HS6ST3: variants seen among roughly 807,000 people sequenced by gnomAD.
HS6ST3 encodes the protein heparan-sulfate 6-O-sulfotransferase 3.
HS6ST3 carries 12 observed loss-of-function variants against 36.7 expected under a neutral mutation model. The observed-to-expected ratio is 0.33, with a 90% CI of 0.21 to 0.53. The LOEUF (loss-of-function observed/expected upper bound fraction) is 0.53, where lower values mean the gene tolerates loss of function less well. Ranked by LOEUF, HS6ST3 falls within the 20% of genes least tolerant of loss-of-function variation. The probability of loss-of-function intolerance (pLI) is 0.95; values close to 1 mark genes in which losing one functional copy is unlikely to be tolerated. For synonymous variants in HS6ST3, 240 were observed against 257.5 expected (o/e 0.93, Z 0.65); for missense variants, 584 against 640.9 (o/e 0.91, Z 0.96).
chr13:96,466,061 T>G (rs2055812053), intron 1 of HS6ST3, among the ~76,000 whole-genome samples: 1 of 152,086 alleles, frequency 6.6e-6, no homozygotes, highest in South Asian at 2.1e-4. Flanking sequence ...GGCGGGCAGA[T>G]CATGAGGTCA....
chr13:96,581,253 T>C (rs1408668485), intron 1 of HS6ST3, among the ~76,000 whole-genome samples: 1 of 149,518 alleles, frequency 6.7e-6, no homozygotes, highest in Non-Finnish European at 1.5e-5. Context: ...GGAGTCTCAC[T>C]CTGTCTCCCA....
In HS6ST3 at chr13:96,216,533, A is replaced by C. The variant is rs145445092; in HGVS notation, c.707+124964A>C. Among the ~76,000 whole-genome samples, 188 of 152,324 alleles carry C rather than the reference A, an allele frequency of 1.2e-3. 1 individual carries two copies. The highest frequency in any genetic ancestry group is 4.3e-3 in the African/African-American group (179 of 41,564). On this transcript the variant is annotated intron_variant, in intron 1 of 1. Transcript: ENST00000376705. Reference sequence around the variant, plus strand: ...TGACAATACCTTCTGTGTACAAAGAAGTGTAAGTAAGAGATACCCATGACT... The same window carrying C: ...TGACAATACCTTCTGTGTACAAAGACGTGTAAGTAAGAGATACCCATGACT...
At chr13:96,823,663 A>T (rs1254992463) in intron 1 of HS6ST3, among the ~76,000 whole-genome samples, 3 of 151,882 alleles carry the variant, frequency 2.0e-5, no homozygotes. Context: ...TCTGGTGTCC[A>T]GGCTGGAGTG....
chr13:96,458,706 A>AT (rs1407775843), intron 1 of HS6ST3, among the ~76,000 whole-genome samples: 1 of 151,906 alleles, frequency 6.6e-6, no homozygotes, highest in African/African-American at 2.4e-5. Flanking sequence ...TCATATGTCC[A>AT]TTTTTTGCTA....
intron 1 of HS6ST3, among the ~76,000 whole-genome samples, chr13:96,603,208 A>T (rs1238890759): frequency 6.6e-6 from 1 of 152,206 alleles, no homozygotes; most frequent in Non-Finnish European, 1.5e-5. Flanking sequence ...CAGACGCTCA[A>T]CAGCCACTTT....
intron 1 of HS6ST3, among the ~76,000 whole-genome samples, chr13:96,493,199 A>G (rs2055955327): frequency 6.6e-6 from 1 of 152,166 alleles, no homozygotes; most frequent in African/African-American, 2.4e-5. Flanking sequence ...ATTAAACACA[A>G]AAAAAGATCT....
At chr13:96,711,193 TC>T (rs1875552532) in intron 1 of HS6ST3, among the ~76,000 whole-genome samples, 1 of 152,026 alleles carries the variant, frequency 6.6e-6, no homozygotes, top group Admixed American at 6.6e-5. Context: ...CTGGCTTGTC[TC>T]CCCCTTGGTT....
chr13:96,364,403 A>G (rs2055253506), intron 1 of HS6ST3, among the ~76,000 whole-genome samples: 1 of 152,226 alleles, frequency 6.6e-6, no homozygotes, highest in Non-Finnish European at 1.5e-5. Flanking sequence ...TATATCTACA[A>G]TGGAATATTA....
intron 1 of HS6ST3, among the ~76,000 whole-genome samples, chr13:96,304,720 T>TCTTTCTTTCTTTCTTTC (rs1444933944): frequency 7.3e-6 from 1 of 137,560 alleles, no homozygotes; most frequent in Admixed American, 7.3e-5. Flanking sequence ...TCTTTTTTTT[T>TCTTTCTTTCTTTCTTTC]TTTTTTTTTT....
intron 1 of HS6ST3, among the ~76,000 whole-genome samples, chr13:96,734,295 C>T (rs1363600267): frequency 6.6e-6 from 1 of 152,180 alleles, no homozygotes; most frequent in Non-Finnish European, 1.5e-5. Context: ...TCATTTGCTC[C>T]TAGCTTGGTC....
intron 1 of HS6ST3, among the ~76,000 whole-genome samples, chr13:96,745,592 T>C (rs191804454): frequency 3.3e-5 from 5 of 152,168 alleles, no homozygotes; most frequent in East Asian, 1.9e-4. Context: ...CCCATTGAAA[T>C]TGGTTTGGTC....
chr13:96,729,252 A>C (rs1876082605), intron 1 of HS6ST3, among the ~76,000 whole-genome samples: 1 of 152,098 alleles, frequency 6.6e-6, no homozygotes, highest in African/African-American at 2.4e-5. Context: ...CTGCACTCTA[A>C]GCACAGAACC....
chr13:96,164,849 A>ATT (rs147755602), intron 1 of HS6ST3, among the ~76,000 whole-genome samples: 33 of 150,416 alleles, frequency 2.2e-4, no homozygotes, highest in African/African-American at 7.3e-4. Flanking sequence ...AATGATACAG[A>ATT]TTTTTTTTTT....
intron 1 of HS6ST3, among the ~76,000 whole-genome samples, chr13:96,585,925 A>C (rs2056359425): frequency 6.6e-6 from 1 of 152,172 alleles, no homozygotes; most frequent in South Asian, 2.1e-4. Flanking sequence ...TACTGATTTA[A>C]TTCTCTTTGG....
chr13:96,589,802 T>C (rs1486061871), intron 1 of HS6ST3, among the ~76,000 whole-genome samples: 1 of 152,118 alleles, frequency 6.6e-6, no homozygotes, highest in Non-Finnish European at 1.5e-5. Context: ...GTATATTTTT[T>C]TACCCATTAA....
intron 1 of HS6ST3, among the ~76,000 whole-genome samples, chr13:96,445,929 T>C (rs1215927401): frequency 6.6e-6 from 1 of 151,636 alleles, no homozygotes; most frequent in Non-Finnish European, 1.5e-5. Context: ...TCCCAGCACT[T>C]TGGGAGGCCG....
chr13:96,722,085 G>A (rs1489998645), intron 1 of HS6ST3, among the ~76,000 whole-genome samples: 1 of 152,104 alleles, frequency 6.6e-6, no homozygotes, highest in Non-Finnish European at 1.5e-5. Flanking sequence ...GGCCAACATG[G>A]TGAAACCTCG....
intron 1 of HS6ST3, among the ~76,000 whole-genome samples, chr13:96,189,238 T>C (rs1390682392): frequency 6.6e-6 from 1 of 152,156 alleles, no homozygotes; most frequent in Non-Finnish European, 1.5e-5. Flanking sequence ...TTGTGAACTG[T>C]AGTCTTAAAA....
chr13:96,765,032 CTTGCCATATTTCTTTCTTT>C (rs1566447944), intron 1 of HS6ST3, among the ~76,000 whole-genome samples: 2 of 148,554 alleles, frequency 1.3e-5, no homozygotes, highest in African/African-American at 4.9e-5. Flanking sequence ...TTCAGTTGCA[CTTGCCATATTTCTTTCTTT>C]GTTTCTTTCT....
Sources: allele counts gnomAD v4.1 joint callset (sites outside exome capture counted in the v4.1 genomes callset), GRCh38; gene constraint gnomAD v4.1.1; transcripts MANE v1.5; gene names NCBI Gene and HGNC (gene_info 2026-07-23, HGNC 2026-07-21).